The following VOPP1 variants were observed in gnomAD, a reference collection of about 807,000 sequenced individuals.
VOPP1 encodes WW domain binding protein VOPP1.
In VOPP1, 8 loss-of-function variants were observed where a neutral mutation model predicts 23.5. The ratio of observed to expected loss-of-function variants is 0.34; its 90% CI spans 0.20 to 0.61. VOPP1 has a LOEUF of 0.61. Among genes scored for constraint, VOPP1 ranks in the 20% least tolerant of loss-of-function variants. The pLI is 0.78. For missense variants in VOPP1, 174 were observed against 238.1 expected (o/e 0.73, Z 1.77); for synonymous variants, 83 against 97.3 (o/e 0.85, Z 0.86).
intron 2 of VOPP1, among the ~76,000 whole-genome samples, chr7:55,501,368 C>T (rs1270728192): frequency 6.6e-6 from 1 of 152,214 alleles, no homozygotes; most frequent in Non-Finnish European, 1.5e-5. Context: ...TGACATAAGG[C>T]ACACTTCTTC....
At chr7:55,525,878 GAAA>G (rs1796164456) in intron 1 of VOPP1, among the ~76,000 whole-genome samples, 1 of 147,418 alleles carries the variant, frequency 6.8e-6, no homozygotes, top group South Asian at 2.2e-4. Context: ...TGCCCACTCT[GAAA>G]AGTCAGTCTA....
downstream of VOPP1, among the ~76,000 whole-genome samples, chr7:55,469,163 T>C (rs938055204): frequency 6.6e-6 from 1 of 152,200 alleles, no homozygotes; most frequent in East Asian, 1.9e-4. Context: ...TTTTATTTTG[T>C]AGTCGAGCAT....
chr7:55,522,744 G>C (rs1795947323), intron 1 of VOPP1, among the ~76,000 whole-genome samples: 1 of 152,196 alleles, frequency 6.6e-6, no homozygotes, highest in African/African-American at 2.4e-5. Context: ...GCTCCGCAGA[G>C]ACAGGCCACA....
chr7:55,533,359 T>A (rs1367123368), intron 1 of VOPP1, among the ~76,000 whole-genome samples: 1 of 152,080 alleles, frequency 6.6e-6, no homozygotes, highest in African/African-American at 2.4e-5. Context: ...AGGAAGGGCA[T>A]CACTGTCCAC....
At chr7:55,550,038 G>A (rs1321133498) in intron 1 of VOPP1, among the ~76,000 whole-genome samples, 1 of 152,212 alleles carries the variant, frequency 6.6e-6, no homozygotes, top group Non-Finnish European at 1.5e-5. Context: ...TGCCACCACA[G>A]GCCGGGCCAA....
chr7:55,570,669 G>A (rs1235801409), intron 1 of VOPP1, among the ~76,000 whole-genome samples: 1 of 152,150 alleles, frequency 6.6e-6, no homozygotes, highest in East Asian at 1.9e-4. Flanking sequence ...AGGGCCGGGC[G>A]CGGTGGCTCA....
At chr7:55,526,281 G>A (rs1019529793) in intron 1 of VOPP1, among the ~76,000 whole-genome samples, 4 of 152,208 alleles carry the variant, frequency 2.6e-5, no homozygotes, top group African/African-American at 7.2e-5. Context: ...GACTCTGGAC[G>A]CCCGTGGTTC....
At chr7:55,533,585 A>G (rs1796613453) in intron 1 of VOPP1, among the ~76,000 whole-genome samples, 1 of 152,178 alleles carries the variant, frequency 6.6e-6, no homozygotes, top group Non-Finnish European at 1.5e-5. Flanking sequence ...TTCCGGACCT[A>G]GGGTCTCACT....
chr7:55,467,245 C>A (rs1164897890), downstream of VOPP1, among the ~76,000 whole-genome samples: 2 of 152,220 alleles, frequency 1.3e-5, no homozygotes, highest in African/African-American at 2.4e-5. Context: ...ACGTAAAGCA[C>A]CCCCTTTGTG....
At chr7:55,459,958 CTGTT>C (rs1402130212) in intron 4 of VOPP1, among the ~76,000 whole-genome samples, 11 of 151,950 alleles carry the variant, frequency 7.2e-5, no homozygotes, top group Admixed American at 1.3e-4. Context: ...TATCACTAGG[CTGTT>C]TATTTAAAAT....
intron 4 of VOPP1, among the ~76,000 whole-genome samples, chr7:55,449,448 G>T (rs1791186187): frequency 6.6e-6 from 1 of 152,194 alleles, no homozygotes; most frequent in African/African-American, 2.4e-5. Flanking sequence ...CCGGTGCCCG[G>T]TCCTCGTTCA....
chr7:55,474,205 G>A (rs746074993), intron 4 of VOPP1, among the ~76,000 whole-genome samples: 3 of 152,340 alleles, frequency 2.0e-5, no homozygotes, highest in South Asian at 2.1e-4. Context: ...GTGAGATGCC[G>A]TGTGGTCCCA....
At chr7:55,469,369 A>C (rs931609209), downstream of VOPP1, among the ~76,000 whole-genome samples, 1 of 152,186 alleles carries the variant, frequency 6.6e-6, no homozygotes, top group Non-Finnish European at 1.5e-5. Flanking sequence ...TCAAAGCCTC[A>C]AAAGCTGTTT....
At chr7:55,517,200 C>T (rs1466175202) in intron 2 of VOPP1, among the ~76,000 whole-genome samples, 1 of 151,456 alleles carries the variant, frequency 6.6e-6, no homozygotes, top group Non-Finnish European at 1.5e-5. Context: ...CAGCCCGACT[C>T]GGCCTCCCAG....
intron 1 of VOPP1, among the ~76,000 whole-genome samples, chr7:55,561,019 C>G (rs7807357): frequency 0.62 from 94,091 of 151,940 alleles, 30,973 homozygotes; most frequent in Admixed American, 0.72. Flanking sequence ...GGGGGCCAGT[C>G]AGGGCAGCTG....
At chr7:55,453,913 ATC>A (rs1791303626) in intron 4 of VOPP1, among the ~76,000 whole-genome samples, 1 of 152,196 alleles carries the variant, frequency 6.6e-6, no homozygotes, top group African/African-American at 2.4e-5. Context: ...AGTTTTTGAG[ATC>A]TTTTTTGGTT....
At chr7:55,529,625 T>C (rs59724485) in intron 1 of VOPP1, among the ~76,000 whole-genome samples, 2 of 152,214 alleles carry the variant, frequency 1.3e-5, no homozygotes, top group African/African-American at 4.8e-5. Flanking sequence ...ATTTTCAAGA[T>C]ATAGTTTGAT....
Position 55,470,808 on chromosome 7 carries a change from T to C in VOPP1, c.*2047A>G, listed in dbSNP as rs1791768630. ...TCCAGGAAGTGGGCACAACCCACCA[T>C]CCACACAATGGAAACAAGAATGGCC... On this transcript the variant is annotated 3_prime_UTR_variant, in exon 5 of 5. Transcript: ENST00000285279. 6.6e-6 allele frequency: 1 copy of C among 152,176 alleles called. No individual in the cohort carries two copies. Among genetic ancestry groups the C allele is most frequent in the South Asian group, 2.1e-4 (1 of 4,818 alleles). The allele number at this position is 152,176 out of a possible 1,614,324, so 9.4% of individuals were successfully genotyped here.
At chr7:55,510,779 G>A (rs1434066716) in intron 2 of VOPP1, among the ~76,000 whole-genome samples, 1 of 151,680 alleles carries the variant, frequency 6.6e-6, no homozygotes, top group African/African-American at 2.4e-5. Flanking sequence ...CATCCACCAG[G>A]CACCCTGAAC....
Sources: gnomAD v4.1 joint callset for allele counts (sites outside exome capture counted in the v4.1 genomes callset) on GRCh38, gnomAD v4.1.1 for gene constraint, MANE v1.5 for transcripts, NCBI Gene and HGNC (gene_info 2026-07-23, HGNC 2026-07-21) for gene names.